Variants in CDH8 observed in about 807,000 individuals in gnomAD.
The protein encoded by CDH8 is cadherin-8.
CDH8 carries 17 observed loss-of-function variants against 68.1 expected under a neutral mutation model. That is an observed-to-expected ratio of 0.25 (90% CI 0.17 to 0.37). The LOEUF is 0.37. CDH8 is among the 10% of genes least tolerant of loss of function. The pLI, the probability that CDH8 is intolerant of heterozygous loss-of-function variation, is 1.00. For missense variants in CDH8, 763 were observed against 999.3 expected, an observed-to-expected ratio of 0.76 and a Z score of 3.19; for synonymous variants, 372 against 365.1, an observed-to-expected ratio of 1.02 and a Z score of -0.21.
chr16:61,796,939 T>A (rs1388883415), intron 7 of CDH8, among the ~76,000 whole-genome samples: 1 of 152,080 alleles, frequency 6.6e-6, no homozygotes, highest in Non-Finnish European at 1.5e-5. Context: ...CAACTGAATA[T>A]TATTGCATTG....
chr16:61,807,252 C>T (rs913981534), intron 7 of CDH8, among the ~76,000 whole-genome samples: 42 of 145,588 alleles, frequency 2.9e-4, no homozygotes, highest in Non-Finnish European at 1.5e-4. Flanking sequence ...TATTCTCACT[C>T]ATAGGTGGGA....
Position 61,801,199 on chromosome 16 carries a change from C to A in CDH8, c.1278-11717G>T, listed in dbSNP as rs774944937. 1.0e-3 allele frequency among the ~76,000 whole-genome samples: 154 copies of A among 152,176 alleles called. 1 individual carries two copies. The highest frequency in any genetic ancestry group is 1.2e-3 in the Non-Finnish European group (79 of 68,018). The stretch of plus-strand genomic sequence containing the variant: ...GTGCAATCTCTACCACCTTAGATCA[C>A]TAGTTTTAAAATATTTTACAAATAC... On this transcript the variant is annotated intron_variant, in intron 7 of 11. Transcript: ENST00000577390.
At chr16:61,902,886 T>C (rs1238161794) in intron 2 of CDH8, among the ~76,000 whole-genome samples, 1 of 152,208 alleles carries the variant, frequency 6.6e-6, no homozygotes, top group Non-Finnish European at 1.5e-5. Flanking sequence ...TAAAATGTAT[T>C]AACATGAACA....
intron 2 of CDH8, among the ~76,000 whole-genome samples, chr16:61,958,871 G>T (rs1160524942): frequency 1.3e-5 from 2 of 151,972 alleles, no homozygotes; most frequent in African/African-American, 2.4e-5. Flanking sequence ...TCCCTGATCT[G>T]ACCCTGACCA....
chr16:61,701,905 G>C (rs898569616), intron 10 of CDH8, among the ~76,000 whole-genome samples: 3 of 152,192 alleles, frequency 2.0e-5, no homozygotes, highest in Non-Finnish European at 4.4e-5. Flanking sequence ...CAAGACTTTG[G>C]CCATATGTTG....
In CDH8 at chr16:62,021,288, A is replaced by T. The variant is rs145464792; in HGVS notation, c.116T>A (p.Met39Lys). Residue 39 changes from methionine (M) to lysine (K), a missense_variant, in exon 2 of 12, where the codon ATG becomes AAG. Met to Lys is a moderately conservative substitution (Grantham distance 95). Coordinates refer to ENST00000577390, the MANE Select transcript of CDH8 (RefSeq NM_001796.5). Reference sequence around the variant, plus strand: ...GTTTAGTTCCAAAGGGGATCCACTCATTAAAACTTGAGACTGATTCATCGG... The same window carrying T: ...GTTTAGTTCCAAAGGGGATCCACTCTTTAAAACTTGAGACTGATTCATCGG... Reference protein sequence around the residue: ...MAPMNQSQVLMSGSPLELNSL... With the variant: ...MAPMNQSQVLKSGSPLELNSL... 1 of 1,614,056 alleles carries T rather than the reference A, an allele frequency of 6.2e-7. No individual in the cohort carries two copies. Among genetic ancestry groups the T allele is most frequent in the African/African-American group, 1.3e-5 (1 of 75,040 alleles).
At chr16:61,941,701 C>A (rs559169458) in intron 2 of CDH8, among the ~76,000 whole-genome samples, 17 of 152,228 alleles carry the variant, frequency 1.1e-4, no homozygotes, top group Non-Finnish European at 2.4e-4. Flanking sequence ...CTTGCCCTCA[C>A]AAATTGCTGG....
intron 10 of CDH8, among the ~76,000 whole-genome samples, chr16:61,663,341 G>A (rs1163947228): frequency 6.6e-6 from 1 of 151,986 alleles, no homozygotes; most frequent in African/African-American, 2.4e-5. Context: ...TGTTTTTCAA[G>A]TAATTTGTTA....
At chr16:61,996,916 T>C (rs1266045734) in intron 2 of CDH8, among the ~76,000 whole-genome samples, 2 of 152,042 alleles carry the variant, frequency 1.3e-5, no homozygotes. Context: ...CCTGAAATAT[T>C]GAGTAGTTTA....
At chr16:62,022,050 T>C (rs547850839) in intron 1 of CDH8, among the ~76,000 whole-genome samples, 206 of 152,312 alleles carry the variant, frequency 1.4e-3, no homozygotes, top group Non-Finnish European at 2.5e-3. Flanking sequence ...TTGTTTTTCT[T>C]TCTTTCACTT....
At chr16:61,731,123 C>A (rs1332080945) in intron 8 of CDH8, among the ~76,000 whole-genome samples, 8 of 151,512 alleles carry the variant, frequency 5.3e-5, no homozygotes, top group South Asian at 2.1e-4. Flanking sequence ...GAAAAGCAGG[C>A]CTTGAAGCAG....
chr16:61,826,579 T>C (rs527462673), intron 4 of CDH8, among the ~76,000 whole-genome samples: 33 of 151,846 alleles, frequency 2.2e-4, no homozygotes, highest in Admixed American at 9.9e-4. Context: ...AGGGGCACCA[T>C]ACATGTTCAA....
At chr16:61,693,623 T>C (rs2142835324) in intron 10 of CDH8, 1 of 152,302 alleles carries the variant, frequency 6.6e-6, no homozygotes, top group South Asian at 2.1e-4. Context: ...AATCTTGTTG[T>C]TGTTATTATT....
At chr16:61,823,990 A>G (rs1408731786) in intron 5 of CDH8, among the ~76,000 whole-genome samples, 2 of 151,936 alleles carry the variant, frequency 1.3e-5, no homozygotes, top group African/African-American at 4.8e-5. Flanking sequence ...TCATTCCAGG[A>G]TTCTTCAGAA....
At chr16:61,737,667 A>G (rs10500453) in intron 8 of CDH8, among the ~76,000 whole-genome samples, 27,642 of 152,110 alleles carry the variant, frequency 0.18, 2,821 homozygotes, top group Middle Eastern at 0.25. Context: ...AACAAGTTAG[A>G]ATGTAATTAA....
intron 1 of CDH8, among the ~76,000 whole-genome samples, chr16:62,026,120 C>T (rs1168858684): frequency 6.6e-6 from 1 of 152,132 alleles, no homozygotes; most frequent in Non-Finnish European, 1.5e-5. Flanking sequence ...TTCTGATTTT[C>T]CTGGTATAAA....
intron 3 of CDH8, among the ~76,000 whole-genome samples, chr16:61,861,902 A>G (rs1963156967): frequency 6.6e-6 from 1 of 152,192 alleles, no homozygotes; most frequent in Admixed American, 6.5e-5. Flanking sequence ...TTGTTATATT[A>G]TGTGTGTATA....
intron 10 of CDH8, among the ~76,000 whole-genome samples, chr16:61,708,224 G>A (rs1473614648): frequency 2.0e-5 from 3 of 152,086 alleles, no homozygotes; most frequent in African/African-American, 7.2e-5. Flanking sequence ...ATGTTTGCTA[G>A]CAGATTGACA....
At chr16:61,738,755 C>T (rs1051892120) in intron 8 of CDH8, among the ~76,000 whole-genome samples, 1 of 151,730 alleles carries the variant, frequency 6.6e-6, no homozygotes, top group African/African-American at 2.4e-5. Flanking sequence ...ATTTGTTGTC[C>T]TCTGTTGTCT....
Sources: gnomAD v4.1 joint callset for allele counts (sites outside exome capture counted in the v4.1 genomes callset) on GRCh38, gnomAD v4.1.1 for gene constraint, MANE v1.5 for transcripts, NCBI Gene and HGNC (gene_info 2026-07-23, HGNC 2026-07-21) for gene names.